Variants in INVS observed in about 807,000 individuals in gnomAD.
INVS encodes inversin, also known as inversion of embryo turning homolog.
Under a neutral mutation model 108.8 loss-of-function variants are expected in INVS, and 86 were observed. The ratio of observed to expected loss-of-function variants is 0.79; its 90% CI spans 0.66 to 0.95. INVS has a LOEUF of 0.95. Among genes scored for constraint, INVS ranks in the 40% least tolerant of loss-of-function variants. The probability of loss-of-function intolerance (pLI) is 0.00; values close to 1 mark genes in which losing one functional copy is unlikely to be tolerated. For missense variants in INVS, 1,169 were observed against 1,297.4 expected (o/e 0.90, Z 1.52); for synonymous variants, 455 against 473.5 (o/e 0.96, Z 0.51).
intron 5 of INVS, among the ~76,000 whole-genome samples, chr9:100,231,791 G>GT (rs1245362459): frequency 4.6e-5 from 7 of 151,962 alleles, no homozygotes; most frequent in African/African-American, 1.7e-4. Flanking sequence ...CTTTGCTATT[G>GT]TAAATAATAC....
At chr9:100,101,315 GA>G in intron 1 of INVS, 1 of 151,772 alleles carries the variant, frequency 6.6e-6, no homozygotes, top group Admixed American at 6.6e-5. Context: ...CTAGAAAGCT[GA>G]CATAGCCTGA....
At chr9:100,300,016 A>C (rs1833916559) in intron 16 of INVS, among the ~76,000 whole-genome samples, 1 of 152,378 alleles carries the variant, frequency 6.6e-6, no homozygotes, top group Admixed American at 6.5e-5. Context: ...CAATGTCTTC[A>C]GCAAGGTTTC....
At chr9:100,156,574 T>C (rs78767815) in intron 3 of INVS, among the ~76,000 whole-genome samples, 1,930 of 152,162 alleles carry the variant, frequency 0.013, 38 homozygotes, top group African/African-American at 0.044. Flanking sequence ...TCAGTTTAAC[T>C]TCCCCTCCTT....
At chr9:100,134,319 CAG>C (rs1828154369) in intron 3 of INVS, among the ~76,000 whole-genome samples, 1 of 152,094 alleles carries the variant, frequency 6.6e-6, no homozygotes, top group African/African-American at 2.4e-5. Context: ...ATCTATACAC[CAG>C]AGTTTCTTTA....
intron 12 of INVS, among the ~76,000 whole-genome samples, chr9:100,281,618 G>A (rs956548962): frequency 6.6e-6 from 1 of 152,026 alleles, no homozygotes; most frequent in Admixed American, 6.5e-5. Flanking sequence ...AATGCAAAAT[G>A]CATCAATTTA....
chr9:100,195,063 G>T (rs1457826474), intron 3 of INVS, among the ~76,000 whole-genome samples: 1 of 152,176 alleles, frequency 6.6e-6, no homozygotes, highest in African/African-American at 2.4e-5. Context: ...ATTATTTGTA[G>T]TGTCCCTGCT....
At chr9:100,273,250 G>T (rs962098328) in intron 12 of INVS, among the ~76,000 whole-genome samples, 174 bp downstream of exon 12, 2 of 151,986 alleles carry the variant, frequency 1.3e-5, no homozygotes, top group Admixed American at 6.6e-5. Flanking sequence ...TGGAACCGAG[G>T]CTGCAGTGAA....
At chr9:100,286,910 C>G (rs1441204074) in intron 13 of INVS, among the ~76,000 whole-genome samples, 1 of 152,302 alleles carries the variant, frequency 6.6e-6, no homozygotes, top group East Asian at 1.9e-4. Flanking sequence ...ACTGTTATTA[C>G]TGGTTTACTT....
intron 3 of INVS, among the ~76,000 whole-genome samples, chr9:100,180,157 T>C (rs1006346212): frequency 1.7e-4 from 26 of 152,266 alleles, no homozygotes; most frequent in African/African-American, 5.8e-4. Flanking sequence ...GAGGGAAATT[T>C]ATAGCACTAA....
intron 13 of INVS, among the ~76,000 whole-genome samples, chr9:100,285,526 GCATAT>G (rs1401251842): frequency 2.6e-5 from 4 of 152,202 alleles, no homozygotes; most frequent in African/African-American, 9.7e-5. Context: ...GTTTGACTGA[GCATAT>G]AGTTGTACTC....
intron 12 of INVS, among the ~76,000 whole-genome samples, chr9:100,277,952 A>T (rs1324370999): frequency 6.6e-6 from 1 of 152,156 alleles, no homozygotes; most frequent in African/African-American, 2.4e-5. Context: ...GGAATTTTTT[A>T]AATTATGTGA....
At chr9:100,167,832 T>A (rs190224251) in intron 3 of INVS, among the ~76,000 whole-genome samples, 1 of 152,304 alleles carries the variant, frequency 6.6e-6, no homozygotes, top group Admixed American at 6.5e-5. Flanking sequence ...TCCCAGGTGA[T>A]CCACGATTTC....
At chr9:100,183,351 C>G (rs1250037604) in intron 3 of INVS, among the ~76,000 whole-genome samples, 2 of 152,172 alleles carry the variant, frequency 1.3e-5, no homozygotes, top group Non-Finnish European at 2.9e-5. Context: ...TCAATAGGCA[C>G]ATGCAGACAG....
Position 100,210,035 on chromosome 9 carries a change from A to G in INVS, c.274-16027A>G, listed in dbSNP as rs535420768. Among the ~76,000 whole-genome samples the G allele has an allele frequency of 8.1e-4, 123 of 152,230 alleles. 1 individual carries two copies. Among genetic ancestry groups the G allele is most frequent in the Non-Finnish European group, 1.4e-3 (98 of 68,026 alleles). On this transcript the variant is annotated intron_variant, in intron 3 of 16. Transcript: ENST00000262457. ...CTACTTTAAGCTGGCTTAATTGCAT[A>G]TACTTTCAACATGCAGCTCAGGCAC...
At chr9:100,270,158 T>C (rs762555663) in intron 11 of INVS, among the ~76,000 whole-genome samples, 6 of 152,160 alleles carry the variant, frequency 3.9e-5, no homozygotes, top group African/African-American at 7.2e-5. Flanking sequence ...ATAAAATCTA[T>C]ATCATTTTGA....
Position 100,100,898 on chromosome 9 carries a change from TA to T in INVS, c.-25+1483del, listed in dbSNP as rs1564112148. Among the ~76,000 whole-genome samples the T allele has an allele frequency of 3.2e-4, 15 of 46,490 alleles. 3 individuals carry two copies. Among genetic ancestry groups the T allele is most frequent in the African/African-American group, 2.0e-3 (15 of 7,342 alleles). 30.5% of individuals were successfully genotyped at this position (46,490 alleles called of 152,430 possible). A position where few individuals can be genotyped will look rare whatever the true frequency, so the allele number is the denominator to read the frequency against. On this transcript the variant is annotated intron_variant, in intron 1 of 16. Coordinates refer to ENST00000262457, the MANE Select transcript of INVS (RefSeq NM_014425.5). ...ATATATGTATATATAATATATATTA[TA>T]TATGTATATATATTATATGTATATA... is the stretch of plus-strand genomic sequence containing the variant.
intron 3 of INVS, among the ~76,000 whole-genome samples, chr9:100,180,605 A>G (rs11496605): frequency 0.19 from 29,172 of 152,088 alleles, 4,458 homozygotes; most frequent in African/African-American, 0.43. Flanking sequence ...TGAATAGACC[A>G]ATAACAAGTT....
In INVS at chr9:100,243,183, C is replaced by T. The variant is rs147867641; in HGVS notation, c.906+504C>T. 3.4e-3 allele frequency among the ~76,000 whole-genome samples: 514 copies of T among 152,272 alleles called. 1 individual carries two copies. Among genetic ancestry groups the T allele is most frequent in the African/African-American group, 0.012 (485 of 41,552 alleles). On this transcript the variant is annotated intron_variant, in intron 7 of 16. Coordinates refer to ENST00000262457, the MANE Select transcript of INVS (RefSeq NM_014425.5). ...CTAAGAACATCTTAGTGTTCAGCCA[C>T]GTGTAATTGTCCTTAAAGCAGTGTG...
In INVS at chr9:100,292,407, C is replaced by G. The variant is rs774863900; in HGVS notation, c.2150C>G (p.Pro717Arg). 1.2e-6 allele frequency: 2 copies of G among 1,614,168 alleles called. No homozygotes were observed. Among genetic ancestry groups the G allele is most frequent in the South Asian group, 2.2e-5 (2 of 91,082 alleles). Residue 717 changes from proline to arginine, a missense_variant, in exon 14 of 17, where the codon CCA becomes CGA. Coordinates refer to ENST00000262457, the MANE Select transcript of INVS (RefSeq NM_014425.5). ...PNEGSDGSRH[P>R]GVPSVEKSRG... ...GAAGGCAGTGATGGAAGCAGGCATC[C>G]AGGAGTTCCCTCTGTTGAGAAGTCC...
Sources: gnomAD v4.1 joint callset for allele counts (sites outside exome capture counted in the v4.1 genomes callset) on GRCh38, gnomAD v4.1.1 for gene constraint, MANE v1.5 for transcripts, NCBI Gene and HGNC (gene_info 2026-07-23, HGNC 2026-07-21) for gene names.